The following ADARB2 variants were observed in gnomAD, a reference collection of about 807,000 sequenced individuals.
The protein encoded by ADARB2 is adenosine deaminase RNA specific B2 (inactive), also known as inactive double-stranded RNA-specific editase B2.
In ADARB2, 25 loss-of-function variants were observed where a neutral mutation model predicts 62.2. That is an observed-to-expected ratio of 0.40 (90% confidence interval 0.29 to 0.56). The LOEUF is 0.56. Among genes scored for constraint, ADARB2 ranks in the 20% least tolerant of loss-of-function variants. The pLI, the probability that ADARB2 is intolerant of heterozygous loss-of-function variation, is 0.43. For synonymous variants in ADARB2, 572 were observed against 500.8 expected, an observed-to-expected ratio of 1.14 and a Z score of -1.90; for missense variants, 1,071 against 1,077.4, an observed-to-expected ratio of 0.99 and a Z score of 0.08.
intron 1 of ADARB2, among the ~76,000 whole-genome samples, chr10:1,539,190 G>A (rs1196306435): frequency 6.6e-6 from 1 of 152,204 alleles, no homozygotes; most frequent in Non-Finnish European, 1.5e-5. Context: ...TAGCTGCTCT[G>A]GGATTATGCA....
intron 1 of ADARB2, among the ~76,000 whole-genome samples, chr10:1,503,719 C>T (rs137981988): frequency 4.6e-5 from 7 of 152,146 alleles, no homozygotes; most frequent in African/African-American, 1.4e-4. Flanking sequence ...TGGTTTAGCA[C>T]CATCCTCTTG....
intron 3 of ADARB2, among the ~76,000 whole-genome samples, chr10:1,354,394 C>T (rs1163009298): frequency 6.6e-6 from 1 of 152,166 alleles, no homozygotes; most frequent in Non-Finnish European, 1.5e-5. Context: ...CACCCCTGCC[C>T]ACCAGAGAAC....
At chr10:1,367,239 A>G (rs1419465572) in intron 2 of ADARB2, among the ~76,000 whole-genome samples, 2 of 152,192 alleles carry the variant, frequency 1.3e-5, no homozygotes, top group African/African-American at 4.8e-5. Flanking sequence ...CTCAGCTATC[A>G]CCACCACCTG....
intron 1 of ADARB2, among the ~76,000 whole-genome samples, chr10:1,612,267 G>C (rs1833581971): frequency 6.6e-6 from 1 of 152,220 alleles, no homozygotes; most frequent in African/African-American, 2.4e-5. Flanking sequence ...TGCCCTGCAG[G>C]AGGGAATGGG....
At chr10:1,602,905 A>G (rs1833438265) in intron 1 of ADARB2, among the ~76,000 whole-genome samples, 1 of 152,078 alleles carries the variant, frequency 6.6e-6, no homozygotes, top group Non-Finnish European at 1.5e-5. Flanking sequence ...ACACATATGA[A>G]CACACACCTG....
At chr10:1,531,309 C>T (rs1832235008) in intron 1 of ADARB2, among the ~76,000 whole-genome samples, 1 of 152,234 alleles carries the variant, frequency 6.6e-6, no homozygotes, top group Admixed American at 6.5e-5. Flanking sequence ...GTGCAGGCTG[C>T]TGCATGCCAA....
intron 1 of ADARB2, among the ~76,000 whole-genome samples, chr10:1,384,666 C>T (rs1832510797): frequency 6.6e-6 from 1 of 152,198 alleles, no homozygotes; most frequent in Non-Finnish European, 1.5e-5. Context: ...CACCTGGAAG[C>T]TCTTTTCAGC....
At chr10:1,315,976 A>T (rs1308771558) in intron 3 of ADARB2, among the ~76,000 whole-genome samples, 2 of 152,254 alleles carry the variant, frequency 1.3e-5, no homozygotes, top group Non-Finnish European at 2.9e-5. Flanking sequence ...ATGGAGCATT[A>T]AGGGTATAAT....
At chr10:1,573,828 G>A (rs1832972419) in intron 1 of ADARB2, among the ~76,000 whole-genome samples, 1 of 152,208 alleles carries the variant, frequency 6.6e-6, no homozygotes, top group Non-Finnish European at 1.5e-5. Flanking sequence ...AGGCCCTCCT[G>A]CCGCCCAGTG....
At chr10:1,619,493 C>A (rs1170358597) in intron 1 of ADARB2, among the ~76,000 whole-genome samples, 3 of 152,136 alleles carry the variant, frequency 2.0e-5, no homozygotes, top group African/African-American at 7.2e-5. Context: ...CGCTCTGTCA[C>A]CAGGCTGGAG....
chr10:1,200,068 T>G lies in ADARB2; in HGVS notation c.1762A>C (p.Ser588Arg). The change falls in exon 8 of 10, where the codon AGC becomes CGC. Residue 588 changes from serine to arginine, a missense_variant. Ser to Arg is a moderately radical substitution (Grantham distance 110, BLOSUM62 -1). Transcript: ENST00000381312. Reference sequence around the variant, plus strand: ...GCGAGGTGGCCCGTGTGGTGCAGGCTGCCCACCACGATGCTCTGCAGGTAC... The same window carrying G: ...GCGAGGTGGCCCGTGTGGTGCAGGCGGCCCACCACGATGCTCTGCAGGTAC... ...PVYLQSIVVG[S>R]LHHTGHLARV... 1 of 1,585,530 alleles carries G rather than the reference T, an allele frequency of 6.3e-7. No individual in the cohort carries two copies. The highest frequency in any genetic ancestry group is 1.1e-5 in the South Asian group (1 of 87,054).
chr10:1,298,779 G>T (rs1554752725), intron 3 of ADARB2, among the ~76,000 whole-genome samples: 20 of 105,496 alleles, frequency 1.9e-4, no homozygotes, highest in Admixed American at 7.5e-4. Context: ...TTTTAGATTT[G>T]CCCAGGCTGG....
Position 1,255,844 on chromosome 10 carries a change from G to T in ADARB2, c.1193-13545C>A, listed in dbSNP as rs950112321. The stretch of plus-strand genomic sequence containing the variant: ...CACACTATAGCCCCATCAGCGGGCA[G>T]GACAAGTTGGGCCCTGACACAGGCA... On this transcript the variant is annotated intron_variant, in intron 4 of 9. Transcript: ENST00000381312. The surrounding 1 kb of genome is among the most constrained non-coding windows in gnomAD (Gnocchi z 4.7). 8.5e-5 allele frequency among the ~76,000 whole-genome samples: 13 copies of T among 152,326 alleles called. No homozygotes were observed. The highest frequency in any genetic ancestry group is 3.1e-4 in the African/African-American group (13 of 41,570).
chr10:1,290,118 A>G (rs1831451722), intron 3 of ADARB2: 1 of 152,280 alleles, frequency 6.6e-6, no homozygotes. Flanking sequence ...ATCTGTATAG[A>G]GCAAAAGCAG....
chr10:1,514,873 C>T (rs1194238941), intron 1 of ADARB2, among the ~76,000 whole-genome samples: 2 of 152,094 alleles, frequency 1.3e-5, no homozygotes, highest in African/African-American at 2.4e-5. Flanking sequence ...TGGAGTGGAG[C>T]CCTCTGTGCT....
rs955077583 is a variant in ADARB2, at chr10:1,184,800, T to C, written c.2043+61A>G. ...GTGTTGGCCTCTCCCAAGAGCTTGC[T>C]CAGGGCTGGAGCCAGGGTCTGGCTG... On this transcript the variant is annotated intron_variant, in intron 9 of 9. Transcript: ENST00000381312. 35 of 1,560,560 alleles carry C rather than the reference T, an allele frequency of 2.2e-5. No individual in the cohort carries two copies. The Admixed American group carries it at 6.3e-4, about 28-fold the overall frequency.
intron 1 of ADARB2, among the ~76,000 whole-genome samples, chr10:1,706,950 T>C (rs1026645211): frequency 3.9e-4 from 11 of 28,546 alleles, no homozygotes; most frequent in African/African-American, 7.1e-4. Context: ...GGATTTTCTT[T>C]GGGCAAAGGG....
intron 1 of ADARB2, among the ~76,000 whole-genome samples, chr10:1,393,533 A>G (rs1269062051): frequency 6.6e-6 from 1 of 152,088 alleles, no homozygotes; most frequent in African/African-American, 2.4e-5. Flanking sequence ...TTTCTAAGGC[A>G]TTTTGTTCTC....
Position 1,179,298 on chromosome 10 carries a change from A to C in ADARB2, c.*3895T>G, listed in dbSNP as rs1836632989. The C allele has an allele frequency of 6.6e-6, 1 of 152,192 alleles. No homozygotes were observed. The highest frequency in any genetic ancestry group is 2.1e-4 in the South Asian group (1 of 4,824). 9.4% of individuals were successfully genotyped at this position (152,192 alleles called of 1,614,324 possible). On this transcript the variant is annotated 3_prime_UTR_variant, in exon 10 of 10. Transcript: ENST00000381312. ...GAAATATGATCTGTGTGTTTCTTTG[A>C]AAAGGAACCCAGCTTGATGTTTCTG... is the stretch of plus-strand genomic sequence containing the variant.
Sources: gnomAD v4.1 joint callset for allele counts (sites outside exome capture counted in the v4.1 genomes callset) on GRCh38, gnomAD v4.1.1 for gene constraint, Gnocchi (gnomAD v3.1) non-coding constraint, MANE v1.5 for transcripts, NCBI Gene and HGNC (gene_info 2026-07-23, HGNC 2026-07-21) for gene names.